FAM110B: variants seen among roughly 807,000 people sequenced by gnomAD.
FAM110B encodes protein FAM110B.
In FAM110B, 6 loss-of-function variants were observed where a neutral mutation model predicts 20.4. That is an observed-to-expected ratio of 0.29 (90% CI 0.16 to 0.58). The LOEUF (loss-of-function observed/expected upper bound fraction) is 0.58, where lower values mean the gene tolerates loss of function less well. FAM110B is among the 20% of genes least tolerant of loss of function. The pLI, the probability that FAM110B is intolerant of heterozygous loss-of-function variation, is 0.90. For missense variants in FAM110B, 434 were observed against 498.2 expected (o/e 0.87, Z 1.23); for synonymous variants, 226 against 214.1 (o/e 1.06, Z -0.49).
chr8:58,021,710 C>G (rs907514550), intron 1 of FAM110B, among the ~76,000 whole-genome samples: 9 of 152,024 alleles, frequency 5.9e-5, no homozygotes, highest in Non-Finnish European at 1.0e-4. Flanking sequence ...TATCCAATAC[C>G]AACTTGGATG....
At chr8:58,065,236 G>C (rs1192488032) in intron 2 of FAM110B, among the ~76,000 whole-genome samples, 2 of 152,152 alleles carry the variant, frequency 1.3e-5, no homozygotes, top group Non-Finnish European at 2.9e-5. Flanking sequence ...TGATGGGGTT[G>C]AATGGGACTA....
intron 1 of FAM110B, among the ~76,000 whole-genome samples, chr8:58,016,382 A>C (rs1280141522): frequency 6.6e-6 from 1 of 152,100 alleles, no homozygotes; most frequent in African/African-American, 2.4e-5. Flanking sequence ...CCGGGAGGTT[A>C]TTCTCAGATG....
intron 2 of FAM110B, among the ~76,000 whole-genome samples, chr8:58,055,026 A>G (rs1805521513): frequency 6.6e-6 from 1 of 152,176 alleles, no homozygotes; most frequent in Admixed American, 6.5e-5. Context: ...ACAGATCATG[A>G]TATAACATCT....
intron 3 of FAM110B, among the ~76,000 whole-genome samples, chr8:58,097,978 T>C (rs530494299): frequency 6.6e-6 from 1 of 152,336 alleles, no homozygotes; most frequent in African/African-American, 2.4e-5. Flanking sequence ...GGAGCTCTCC[T>C]GTGTGAGGTC....
At chr8:58,095,468 C>A (rs969326550) in intron 3 of FAM110B, among the ~76,000 whole-genome samples, 7 of 152,130 alleles carry the variant, frequency 4.6e-5, no homozygotes, top group Non-Finnish European at 1.0e-4. Flanking sequence ...CAAAGAACAT[C>A]TTTATTTCTG....
intron 3 of FAM110B, among the ~76,000 whole-genome samples, chr8:58,092,471 C>T (rs1806506809): frequency 6.6e-6 from 1 of 152,184 alleles, no homozygotes; most frequent in Admixed American, 6.5e-5. Context: ...GTTCAGCTCC[C>T]ACTTCTAAGC....
chr8:58,141,804 G>A (rs1040734733), intron 3 of FAM110B, among the ~76,000 whole-genome samples: 6 of 152,158 alleles, frequency 3.9e-5, no homozygotes, highest in African/African-American at 9.7e-5. Context: ...ATTCCCCATG[G>A]CAGCCCGTAG....
intron 3 of FAM110B, among the ~76,000 whole-genome samples, chr8:58,141,209 C>A (rs1055157640): frequency 6.6e-6 from 1 of 152,136 alleles, no homozygotes; most frequent in African/African-American, 2.4e-5. Flanking sequence ...AATACTATTA[C>A]CAGAAAAATC....
At chr8:58,007,237 G>A (rs149242730) in intron 1 of FAM110B, among the ~76,000 whole-genome samples, 104 of 152,088 alleles carry the variant, frequency 6.8e-4, no homozygotes, top group Non-Finnish European at 1.4e-3. Context: ...GCCCTCACAG[G>A]TGCTCTGTCC....
intron 2 of FAM110B, among the ~76,000 whole-genome samples, chr8:58,058,979 G>A (rs1177446972): frequency 6.6e-6 from 1 of 152,122 alleles, no homozygotes. Context: ...ACCTCCAGAA[G>A]AAATCATTGT....
chr8:58,071,746 AT>A (rs147581953), intron 2 of FAM110B, among the ~76,000 whole-genome samples: 7,008 of 152,302 alleles, frequency 0.046, 180 homozygotes, highest in South Asian at 0.11. Context: ...GTAATAGAGT[AT>A]CGTCTATAAT....
At chr8:58,145,315 GTT>G (rs34339289) in intron 3 of FAM110B, among the ~76,000 whole-genome samples, 30 of 143,312 alleles carry the variant, frequency 2.1e-4, no homozygotes, top group South Asian at 1.8e-3. Context: ...ACGTGTTGAG[GTT>G]TTTTTTTTTT....
chr8:58,017,892 C>A (rs771420553), intron 1 of FAM110B, among the ~76,000 whole-genome samples: 1 of 152,058 alleles, frequency 6.6e-6, no homozygotes, highest in Non-Finnish European at 1.5e-5. Flanking sequence ...ATGAGATTCC[C>A]CAGGACTAGA....
chr8:58,080,605 G>C (rs1329279129), intron 3 of FAM110B, among the ~76,000 whole-genome samples: 1 of 152,170 alleles, frequency 6.6e-6, no homozygotes, highest in Admixed American at 6.5e-5. Context: ...TGCTTGCCAG[G>C]ACCCTGTGTT....
At chr8:58,073,198 G>A (rs1805948574) in intron 2 of FAM110B, among the ~76,000 whole-genome samples, 1 of 152,128 alleles carries the variant, frequency 6.6e-6, no homozygotes, top group African/African-American at 2.4e-5. Flanking sequence ...AAAATAGAAG[G>A]CACAGTCCCT....
chr8:58,092,449 T>C (rs529861462), intron 3 of FAM110B, among the ~76,000 whole-genome samples: 176 of 152,246 alleles, frequency 1.2e-3, no homozygotes, highest in African/African-American at 3.9e-3. Context: ...CCTGTGTCCA[T>C]GTGTTCTCAT....
chr8:58,031,498 A>T (rs548016801), intron 1 of FAM110B, 108 bp from the exon 2 acceptor site: 2 of 152,346 alleles, frequency 1.3e-5, no homozygotes, highest in East Asian at 3.9e-4. Flanking sequence ...TTATCCTTAG[A>T]TAAATACAAT....
Position 58,148,139 on chromosome 8 carries a change from T to TAAAA in FAM110B, c.*806_*809dup, listed in dbSNP as rs58388044. On this transcript the variant is annotated 3_prime_UTR_variant, in exon 4 of 4. Transcript: ENST00000519262. ...CCCTAAAACAAATACTGAATGCCTT[T>TAAAA]AAAAAAAAAAAAAGTTGTGGTTTTT... 7.1e-6 allele frequency: 1 copy of TAAAA among 140,058 alleles called. No individual in the cohort carries two copies. Among genetic ancestry groups the TAAAA allele is most frequent in the Non-Finnish European group, 1.6e-5 (1 of 64,346 alleles). 8.7% of individuals were successfully genotyped at this position (140,058 alleles called of 1,614,324 possible).
intron 2 of FAM110B, among the ~76,000 whole-genome samples, chr8:58,070,697 C>T (rs561952896): frequency 2.0e-5 from 3 of 152,256 alleles, no homozygotes; most frequent in South Asian, 2.1e-4. Flanking sequence ...AGGTGTGTTT[C>T]AGTACCCAGT....
Sources: gnomAD v4.1 joint callset for allele counts (sites outside exome capture counted in the v4.1 genomes callset) on GRCh38, gnomAD v4.1.1 for gene constraint, MANE v1.5 for transcripts, NCBI Gene and HGNC (gene_info 2026-07-23, HGNC 2026-07-21) for gene names.